Variants in CDC42BPB observed in about 807,000 individuals in gnomAD.
The protein encoded by CDC42BPB is CDC42 binding protein kinase beta.
Under a neutral mutation model 214.9 loss-of-function variants are expected in CDC42BPB, and 37 were observed. The ratio of observed to expected loss-of-function variants is 0.17; its 90% CI spans 0.13 to 0.23. The LOEUF is 0.23. Ranked by LOEUF, CDC42BPB falls within the 10% of genes least tolerant of loss-of-function variation. CDC42BPB has a pLI of 1.00. For missense variants in CDC42BPB, 1,694 were observed against 2,227.0 expected (o/e 0.76, Z 4.82); for synonymous variants, 931 against 884.0 (o/e 1.05, Z -0.94).
At chr14:102,977,745 G>A (rs1038173827) in intron 9 of CDC42BPB, among the ~76,000 whole-genome samples, 3 of 152,112 alleles carry the variant, frequency 2.0e-5, no homozygotes, top group South Asian at 2.1e-4. Context: ...GGCAAACTAC[G>A]GCCTCTGGGA....
At chr14:103,017,453 C>A (rs967637690) in intron 1 of CDC42BPB, among the ~76,000 whole-genome samples, 23 of 151,952 alleles carry the variant, frequency 1.5e-4, no homozygotes, top group African/African-American at 5.3e-4. Context: ...ATCAATTACG[C>A]AGGGAAAATG....
intron 1 of CDC42BPB, among the ~76,000 whole-genome samples, chr14:103,025,473 C>T (rs1241426319): frequency 6.7e-6 from 1 of 150,078 alleles, no homozygotes; most frequent in Non-Finnish European, 1.5e-5. Flanking sequence ...GAGTGGATAA[C>T]CTGTAGTATT....
At chr14:102,959,912 A>G in intron 20 of CDC42BPB, 1 of 911,372 alleles carries the variant, frequency 1.1e-6, no homozygotes, top group Non-Finnish European at 1.3e-6. Context: ...TTCACTTGAA[A>G]AAGTAACCAA....
chr14:102,959,813 CTG>C, intron 20 of CDC42BPB, 103 bp from the exon 21 acceptor site: 1 of 854,350 alleles, frequency 1.2e-6, no homozygotes, highest in South Asian at 2.1e-5. Flanking sequence ...CCTTGAGTAA[CTG>C]ATACATCTGA....
At chr14:103,023,650 G>A (rs182878337) in intron 1 of CDC42BPB, among the ~76,000 whole-genome samples, 3 of 151,756 alleles carry the variant, frequency 2.0e-5, no homozygotes, top group Non-Finnish European at 4.4e-5. Context: ...TTTACTCACT[G>A]GTTTTTCTTA....
At chr14:102,989,280 G>T (rs980605372) in intron 5 of CDC42BPB, among the ~76,000 whole-genome samples, 1 of 152,160 alleles carries the variant, frequency 6.6e-6, no homozygotes, top group African/African-American at 2.4e-5. Flanking sequence ...AAGGAAACAG[G>T]CACTTTCATC....
In CDC42BPB at chr14:102,944,780, G is replaced by C. The variant is rs1019988596; in HGVS notation, c.3812-293C>G. The C allele has an allele frequency of 1.7e-6, 1 of 573,816 alleles. No individual in the cohort carries two copies. Among genetic ancestry groups the C allele is most frequent in the Non-Finnish European group, 2.2e-6 (1 of 454,244 alleles). 35.5% of individuals were successfully genotyped at this position (573,816 alleles called of 1,614,324 possible). A position where few individuals can be genotyped will look rare whatever the true frequency, so the allele number is the denominator to read the frequency against. On this transcript the variant is annotated intron_variant, in intron 29 of 36. Transcript: ENST00000361246. This position sits in a 1 kb window ranked among gnomAD's most constrained non-coding sequence, Gnocchi z 6.6. ...TGTGCACACCCCTCAGTGCACCAGG[G>C]CTCCAGCTGGGCAGCGCTTCCACCT...
At chr14:103,053,212 G>C (rs922061434) in intron 1 of CDC42BPB, among the ~76,000 whole-genome samples, 3 of 151,752 alleles carry the variant, frequency 2.0e-5, no homozygotes, top group African/African-American at 7.3e-5. Context: ...GCCAGGCGTG[G>C]TGGCAGGCAC....
At chr14:102,997,965 C>T (rs139408156) in intron 5 of CDC42BPB, among the ~76,000 whole-genome samples, 9 of 152,140 alleles carry the variant, frequency 5.9e-5, no homozygotes, top group African/African-American at 2.2e-4. Context: ...GCCAACATGG[C>T]GAAATCCCAT....
At position 102,950,508 on chromosome 14, in the gene CDC42BPB, G is replaced by T. The variant is rs376059761; in HGVS notation, c.3267C>A (p.Asp1089Glu). 1.2e-6 allele frequency: 2 copies of T among 1,613,266 alleles called. No individual in the cohort carries two copies. The highest frequency in any genetic ancestry group is 3.3e-5 in the Admixed American group (2 of 60,014). The stretch of plus-strand genomic sequence containing the variant: ...AGGCTGTTCCGATGCCTCGCTGCAC[G>T]TCCACGCCCAGAGGCCTCTTGGACT... ...PEQSKRPLGV[D>E]VQRGIGTAYK... The change falls in exon 25 of 37, where the codon GAC (aspartate) becomes GAA (glutamate). Residue 1089 changes from aspartate (D) to glutamate (E), a missense_variant. Physicochemically the swap from Asp to Glu is conservative, Grantham distance 45. Coordinates refer to ENST00000361246, the MANE Select transcript of CDC42BPB (RefSeq NM_006035.4).
intron 3 of CDC42BPB, among the ~76,000 whole-genome samples, chr14:103,007,101 A>C (rs955373160): frequency 3.3e-5 from 5 of 152,218 alleles, no homozygotes; most frequent in African/African-American, 1.2e-4. Context: ...CTCCCAAAGA[A>C]GGAAGGGAGA....
chr14:102,979,443 C>T (rs1398151225), intron 8 of CDC42BPB, among the ~76,000 whole-genome samples: 2 of 152,098 alleles, frequency 1.3e-5, no homozygotes, highest in African/African-American at 4.8e-5. Context: ...AAATCCTGAC[C>T]TCAGGTGATC....
At chr14:102,995,145 C>G (rs141716571) in intron 5 of CDC42BPB, among the ~76,000 whole-genome samples, 160 of 151,984 alleles carry the variant, frequency 1.1e-3, no homozygotes, top group African/African-American at 3.6e-3. Flanking sequence ...ACTCTCTGCT[C>G]TCTCTTTAGG....
intron 6 of CDC42BPB, 154 bp from the exon 7 acceptor site, chr14:102,983,910 C>T (rs1894120323): frequency 1.0e-6 from 1 of 985,090 alleles, no homozygotes; most frequent in Middle Eastern, 5.2e-4. Context: ...GTAATTCAAG[C>T]TGAGTATAGT....
chr14:102,997,658 G>A (rs905309823), intron 5 of CDC42BPB, among the ~76,000 whole-genome samples: 12 of 152,068 alleles, frequency 7.9e-5, no homozygotes, highest in African/African-American at 2.9e-4. Flanking sequence ...CAATATCTGG[G>A]GACAAATTAG....
chr14:102,954,092 T>A, intron 23 of CDC42BPB, 106 bp downstream of exon 23: 1 of 822,770 alleles, frequency 1.2e-6, no homozygotes, highest in South Asian at 1.5e-5. Flanking sequence ...TATGCAAAAA[T>A]GACTAAGTAT....
chr14:102,957,327 T>G (rs1202006423), intron 21 of CDC42BPB, among the ~76,000 whole-genome samples: 1 of 152,064 alleles, frequency 6.6e-6, no homozygotes. Flanking sequence ...TCCACAGCTG[T>G]GACTCACACA....
Position 102,971,208 on chromosome 14 carries a change from G to C in CDC42BPB, c.1884+711C>G, listed in dbSNP as rs34838123. Among the ~76,000 whole-genome samples the C allele has an allele frequency of 8.1e-3, 1,227 of 152,288 alleles. 9 individuals carry two copies. The highest frequency in any genetic ancestry group is 0.013 in the Non-Finnish European group (918 of 68,006). On this transcript the variant is annotated intron_variant, in intron 13 of 36. Transcript: ENST00000361246. ...GTTTTCCATTCAGCCAGATATTAAA[G>C]AACAGCTAACAAAATGTAAAAAATG...
At chr14:103,035,494 T>TG (rs1286759893) in intron 1 of CDC42BPB, among the ~76,000 whole-genome samples, 1 of 151,954 alleles carries the variant, frequency 6.6e-6, no homozygotes, top group Non-Finnish European at 1.5e-5. Context: ...GCCCAGGAAT[T>TG]GGAGACCAGC....
Sources: allele counts gnomAD v4.1 joint callset (sites outside exome capture counted in the v4.1 genomes callset), GRCh38; gene constraint gnomAD v4.1.1; non-coding constraint Gnocchi (gnomAD v3.1); transcripts MANE v1.5; gene names NCBI Gene and HGNC (gene_info 2026-07-23, HGNC 2026-07-21).